Variants in ENTPD1 observed in about 807,000 individuals in gnomAD.
The protein encoded by ENTPD1 is ATP diphosphohydrolase.
A neutral mutation model predicts 57.0 loss-of-function variants in ENTPD1; 33 were observed. The observed-to-expected ratio is 0.58, with a 90% confidence interval of 0.44 to 0.77. The LOEUF is 0.77. Among genes scored for constraint, ENTPD1 ranks in the 30% least tolerant of loss-of-function variants. The pLI, the probability that ENTPD1 is intolerant of heterozygous loss-of-function variation, is 0.00. For synonymous variants in ENTPD1, 202 were observed against 218.8 expected, an observed-to-expected ratio of 0.92 and a Z score of 0.68; for missense variants, 501 against 603.4, an observed-to-expected ratio of 0.83 and a Z score of 1.78.
At chr10:95,855,009 A>G (rs1463006910) in intron 7 of ENTPD1, among the ~76,000 whole-genome samples, 7 of 152,068 alleles carry the variant, frequency 4.6e-5, no homozygotes, top group African/African-American at 7.2e-5. Flanking sequence ...TTTCTGTCTC[A>G]TTGATCTGTC....
At position 95,801,627 on chromosome 10, in the gene ENTPD1, C is replaced by T. The variant is rs758578756; in HGVS notation, c.17-21610C>T. Reference sequence around the variant, plus strand: ...TGTTGCCCAGGCTGGAGTGCAATGGCGTGATCTCTGCTTATTGTAACCTCT... The same window carrying T: ...TGTTGCCCAGGCTGGAGTGCAATGGTGTGATCTCTGCTTATTGTAACCTCT... On this transcript the variant is annotated intron_variant, in intron 1 of 9. Coordinates refer to ENST00000371205, the MANE Select transcript of ENTPD1 (RefSeq NM_001776.6). Among the ~76,000 whole-genome samples the T allele has an allele frequency of 7.9e-5, 12 of 151,860 alleles. No homozygotes were observed. In the East Asian group the frequency reaches 1.5e-3, roughly 19 times the overall value.
Position 95,866,198 on chromosome 10 carries a change from T to C in ENTPD1, c.1348T>C (p.Trp450Arg). Residue 450 changes from tryptophan to arginine, a missense_variant, in exon 10 of 10, where the codon TGG becomes CGG. Transcript: ENST00000371205. ...GCAGATCCAGGGCAGCGACGCCGGC[T>C]GGACTTTGGGCTACATGCTGAACCT... ...IGKIQGSDAGWTLGYMLNLTN... is the reference protein window; with the variant it reads ...IGKIQGSDAGRTLGYMLNLTN... The C allele has an allele frequency of 6.2e-7, 1 of 1,614,092 alleles. No homozygotes were observed. Among genetic ancestry groups the C allele is most frequent in the South Asian group, 1.1e-5 (1 of 91,060 alleles).
chr10:95,789,357 T>C (rs1181269313), intron 1 of ENTPD1, among the ~76,000 whole-genome samples: 1 of 152,202 alleles, frequency 6.6e-6, no homozygotes, highest in Non-Finnish European at 1.5e-5. Context: ...ATGGAAGATT[T>C]GTTAACACCT....
Position 95,876,663 on chromosome 10 carries a change from A to G in ENTPD1, c.*10280A>G, listed in dbSNP as rs2098486080. 2 of 1,225,728 alleles carry G rather than the reference A, an allele frequency of 1.6e-6. No homozygotes were observed. Among genetic ancestry groups the G allele is most frequent in the South Asian group, 4.3e-5 (1 of 23,426 alleles). 75.9% of individuals were successfully genotyped at this position (1,225,728 alleles called of 1,614,324 possible). On this transcript the variant is annotated 3_prime_UTR_variant, in exon 10 of 10. Coordinates refer to ENST00000371205, the MANE Select transcript of ENTPD1 (RefSeq NM_001776.6). Reference sequence around the variant, plus strand: ...GGCTGTCTTCTGGACAGGCCATTCTAATAACAGAAACAAACAAGTTATTTT... The same window carrying G: ...GGCTGTCTTCTGGACAGGCCATTCTGATAACAGAAACAAACAAGTTATTTT...
chr10:95,847,043 T>G (rs1221284020), intron 6 of ENTPD1, among the ~76,000 whole-genome samples: 1 of 152,078 alleles, frequency 6.6e-6, no homozygotes, highest in Non-Finnish European at 1.5e-5. Context: ...GAAAAAAAAT[T>G]TTTTTAATAA....
intron 1 of ENTPD1, chr10:95,756,647 C>G (rs181951626): frequency 6.0e-4 from 115 of 192,484 alleles, no homozygotes; most frequent in Non-Finnish European, 9.4e-4. Context: ...ATGCTGGGCT[C>G]TGCGTGTAGA....
At chr10:95,826,264 G>T (rs1366706206) in intron 2 of ENTPD1, among the ~76,000 whole-genome samples, 2 of 152,062 alleles carry the variant, frequency 1.3e-5, no homozygotes, top group Non-Finnish European at 2.9e-5. Context: ...AGCTGGGAAA[G>T]ACATAGGTAA....
intron 1 of ENTPD1, among the ~76,000 whole-genome samples, chr10:95,738,666 T>C (rs894482576): frequency 6.6e-6 from 1 of 152,242 alleles, no homozygotes; most frequent in Non-Finnish European, 1.5e-5. Context: ...ATACTCATGA[T>C]GATCTGACTA....
At chr10:95,821,899 G>GTTGGGGA (rs755344195) in intron 1 of ENTPD1, among the ~76,000 whole-genome samples, 206 of 152,032 alleles carry the variant, frequency 1.4e-3, no homozygotes, top group Non-Finnish European at 2.3e-3. Context: ...GAGAGGAGGA[G>GTTGGGGA]GTTGAGTTGT....
chr10:95,755,975 A>G, upstream of ENTPD1: 1 of 1,464,854 alleles, frequency 6.8e-7, no homozygotes, highest in Non-Finnish European at 9.0e-7. Flanking sequence ...GATGCAAAAA[A>G]TTACAACCTG....
At chr10:95,823,415 T>C (rs774849161) in intron 2 of ENTPD1, 51 bp downstream of exon 2, 2 of 1,611,500 alleles carry the variant, frequency 1.2e-6, no homozygotes, top group East Asian at 4.5e-5. Flanking sequence ...GAGATCTGGG[T>C]GGGACAGGGG....
chr10:95,712,024 C>T (rs778315244), intron 1 of ENTPD1: 3 of 1,613,724 alleles, frequency 1.9e-6, no homozygotes, highest in Admixed American at 1.7e-5. Context: ...AGGCTCCCGG[C>T]CTCTCTCCCT....
At chr10:95,860,718 G>A in intron 8 of ENTPD1, 136 bp downstream of exon 8, 1 of 725,444 alleles carries the variant, frequency 1.4e-6, no homozygotes, top group Non-Finnish European at 2.5e-6. Context: ...ACCAGATGGT[G>A]GACTCAGGAA....
At chr10:95,759,375 C>T (rs2098045815) in intron 1 of ENTPD1, among the ~76,000 whole-genome samples, 1 of 152,224 alleles carries the variant, frequency 6.6e-6, no homozygotes, top group African/African-American at 2.4e-5. Context: ...TCAGCCCCTA[C>T]TCCCTGCTCA....
intron 1 of ENTPD1, among the ~76,000 whole-genome samples, chr10:95,812,261 G>T (rs1478964254): frequency 6.6e-6 from 1 of 152,164 alleles, no homozygotes; most frequent in Non-Finnish European, 1.5e-5. Context: ...TGCCCATCCT[G>T]AGCCTTTGCC....
At chr10:95,715,956 C>T (rs1217909134) in intron 1 of ENTPD1, among the ~76,000 whole-genome samples, 2 of 152,086 alleles carry the variant, frequency 1.3e-5, no homozygotes, top group Non-Finnish European at 2.9e-5. Flanking sequence ...CCTTGACCTC[C>T]CAGGCTCAAG....
At chr10:95,860,777 AGATCTTATTT>A (rs549763570) in intron 8 of ENTPD1, among the ~76,000 whole-genome samples, 195 bp downstream of exon 8, 87 of 152,322 alleles carry the variant, frequency 5.7e-4, no homozygotes, top group African/African-American at 1.9e-3. Context: ...GGCTTAAATA[AGATCTTATTT>A]TTTTCTCACC....
rs2098480434 is a variant in ENTPD1 at position 95,871,543 on chromosome 10, A to G, written c.*5160A>G. On this transcript the variant is annotated 3_prime_UTR_variant, in exon 10 of 10. Coordinates refer to ENST00000371205, the MANE Select transcript of ENTPD1 (RefSeq NM_001776.6). The stretch of plus-strand genomic sequence containing the variant: ...TACAAATCTAATACAACTGAACACA[A>G]TCAGTTTTATCACAGGTATAATGGA... 50 of 985,230 alleles carry G rather than the reference A, an allele frequency of 5.1e-5. No homozygotes were observed. In the South Asian group the frequency reaches 2.2e-3, roughly 44 times the overall value. 61.0% of individuals were successfully genotyped at this position (985,230 alleles called of 1,614,324 possible). A position where few individuals can be genotyped will look rare whatever the true frequency, so the allele number is the denominator to read the frequency against.
upstream of ENTPD1, chr10:95,755,574 A>C: frequency 3.6e-6 from 3 of 840,934 alleles, no homozygotes; most frequent in Non-Finnish European, 3.7e-6. Flanking sequence ...GTTCCCATTG[A>C]GCAGCTCCTC....
Sources: allele counts gnomAD v4.1 joint callset (sites outside exome capture counted in the v4.1 genomes callset), GRCh38; gene constraint gnomAD v4.1.1; transcripts MANE v1.5; gene names NCBI Gene and HGNC (gene_info 2026-07-23, HGNC 2026-07-21).